Variants in TPM1 observed in about 807,000 individuals in gnomAD.
TPM1 encodes tropomyosin alpha-1 chain.
TPM1 carries 24 observed loss-of-function variants against 42.9 expected under a neutral mutation model. The observed-to-expected ratio is 0.56, with a 90% CI of 0.41 to 0.79. TPM1 has a LOEUF of 0.79. Among genes scored for constraint, TPM1 ranks in the 30% least tolerant of loss-of-function variants. The pLI is 0.00. For synonymous variants in TPM1, 136 were observed against 130.1 expected (o/e 1.05, Z -0.31); for missense variants, 158 against 351.8 (o/e 0.45, Z 4.41).
At chr15:63,054,682 C>G (rs545446979) in intron 2 of TPM1, 1 of 152,140 alleles carries the variant, frequency 6.6e-6, no homozygotes, top group African/African-American at 2.4e-5. Context: ...TGGCATTTCT[C>G]TAATAGGCCA....
At chr15:63,060,354 C>G (rs2035449399) in intron 4 of TPM1, among the ~76,000 whole-genome samples, 1 of 152,218 alleles carries the variant, frequency 6.6e-6, no homozygotes, top group Non-Finnish European at 1.5e-5. Flanking sequence ...CTCCCTTCCT[C>G]TCTCTGGTTC....
chr15:63,063,454 C>A, intron 8 of TPM1: 1 of 837,152 alleles, frequency 1.2e-6, no homozygotes, highest in Non-Finnish European at 1.4e-6. Flanking sequence ...GCGCCCATTG[C>A]TTTTCAAGCC....
Position 63,057,845 on chromosome 15 carries a change from A to G in TPM1, c.374+727A>G, listed in dbSNP as rs75708953. Among the ~76,000 whole-genome samples the G allele has an allele frequency of 3.7e-3, 558 of 152,312 alleles. 6 individuals are homozygous for G. In the East Asian group the frequency reaches 0.04, roughly 11 times the overall value. ...GAAGTAAGGATTTGCCATATTGCAT[A>G]GAAGTACTTCAAGAGAGACTCCATG... On this transcript the variant is annotated intron_variant, in intron 3 of 9. Coordinates refer to ENST00000403994, the MANE Select transcript of TPM1 (RefSeq NM_001018005.2).
chr15:63,058,146 G>C (rs2035079639), intron 3 of TPM1, among the ~76,000 whole-genome samples: 1 of 152,196 alleles, frequency 6.6e-6, no homozygotes, highest in Non-Finnish European at 1.5e-5. Context: ...ACTTCTTTAA[G>C]ATGACTAAGC....
chr15:63,065,493 G>C, intron 9 of TPM1: 1 of 985,412 alleles, frequency 1.0e-6, no homozygotes, highest in Non-Finnish European at 1.2e-6. Flanking sequence ...GGAAACCAGA[G>C]AAAATGTGTC....
chr15:63,063,985 C>T lies in TPM1; in HGVS notation c.773-79C>T, dbSNP rs143717795. 2.8e-4 allele frequency: 449 copies of T among 1,582,974 alleles called. 1 individual carries two copies. The highest frequency in any genetic ancestry group is 2.1e-3 in the African/African-American group (160 of 74,740). On this transcript the variant is annotated intron_variant, in intron 8 of 9. Transcript: ENST00000403994. Reference sequence around the variant, plus strand: ...CTTGCTGCTGTGTTGGGATGGTGCGCGCACCACCCTCACTCACCCTCCATT... The same window carrying T: ...CTTGCTGCTGTGTTGGGATGGTGCGTGCACCACCCTCACTCACCCTCCATT...
intron 2 of TPM1, chr15:63,056,775 G>C (rs115280766): frequency 1.5e-6 from 1 of 654,604 alleles, no homozygotes; most frequent in African/African-American, 1.8e-5. Flanking sequence ...ATAGATTTGT[G>C]TATACACAAA....
rs756805858 is a variant in TPM1, at chr15:63,048,541, A to C, written c.240+4389A>C. On this transcript the variant is annotated intron_variant, in intron 2 of 9. Coordinates refer to ENST00000403994, the MANE Select transcript of TPM1 (RefSeq NM_001018005.2). ...CGCAGGGCAGCAGCCGGCCTCTCCCACTGCAGCCCTCCCGCCCGCCTACCG... is the reference window on the plus strand; with the variant it reads ...CGCAGGGCAGCAGCCGGCCTCTCCCCCTGCAGCCCTCCCGCCCGCCTACCG... 2.7e-5 allele frequency: 41 copies of C among 1,513,284 alleles called. No homozygotes were observed. The South Asian group carries it at 4.6e-4, about 17-fold the overall frequency. 93.7% of individuals were successfully genotyped at this position (1,513,284 alleles called of 1,614,324 possible). A position where few individuals can be genotyped will look rare whatever the true frequency, so the allele number is the denominator to read the frequency against.
At chr15:63,061,420 C>T (rs1301139557) in intron 5 of TPM1, 1 of 817,932 alleles carries the variant, frequency 1.2e-6, no homozygotes, top group South Asian at 1.4e-5. Flanking sequence ...TTCCCTTGGT[C>T]CTTTATGCTC....
At chr15:63,048,516 CGCAGGGCAGCAGCCGGCCTCTCCCACT>C (rs1596319422) in intron 2 of TPM1, 1 of 1,490,044 alleles carries the variant, frequency 6.7e-7, no homozygotes. Flanking sequence ...CAGCCGGGTC[CGCAGGGCAGCAGCCGGCCTCTCCCACT>C]GCAGCCCTCC....
intron 8 of TPM1, 85 bp downstream of exon 8, chr15:63,062,730 A>G (rs1332692258): frequency 6.2e-7 from 1 of 1,607,562 alleles, no homozygotes; most frequent in South Asian, 1.1e-5. Context: ...AAGGGCATCC[A>G]CATTGATACG....
At chr15:63,046,075 TAG>T (rs1263032373) in intron 2 of TPM1, 1 of 152,224 alleles carries the variant, frequency 6.6e-6, no homozygotes, top group Non-Finnish European at 1.5e-5. Context: ...GCAAACACCA[TAG>T]AGTGTATGGT....
At chr15:63,055,288 A>G (rs1302838532) in intron 2 of TPM1, among the ~76,000 whole-genome samples, 1 of 152,192 alleles carries the variant, frequency 6.6e-6, no homozygotes, top group African/African-American at 2.4e-5. Flanking sequence ...CATTTTTGTC[A>G]AGATAAAAGT....
At chr15:63,051,482 A>ACG (rs1160847893) in intron 2 of TPM1, among the ~76,000 whole-genome samples, 4 of 151,594 alleles carry the variant, frequency 2.6e-5, no homozygotes, top group African/African-American at 9.7e-5. Context: ...TTTGGCACAC[A>ACG]CAGGAGGTTG....
downstream of TPM1, among the ~76,000 whole-genome samples, chr15:63,069,210 C>T (rs548694439): frequency 1.4e-4 from 22 of 152,238 alleles, no homozygotes; most frequent in East Asian, 3.9e-3. Context: ...GTGACAAGTG[C>T]TTGTTCTTTT....
At chr15:63,049,733 C>T (rs1301067940) in intron 2 of TPM1, among the ~76,000 whole-genome samples, 1 of 152,178 alleles carries the variant, frequency 6.6e-6, no homozygotes, top group Non-Finnish European at 1.5e-5. Context: ...AAATGGTCCT[C>T]TTCAGAGGAA....
chr15:63,059,379 A>T (rs923738546), intron 3 of TPM1, among the ~76,000 whole-genome samples, 184 bp from the exon 4 acceptor site: 6 of 152,150 alleles, frequency 3.9e-5, no homozygotes, highest in Non-Finnish European at 1.5e-5. Flanking sequence ...ACAGAGAGAA[A>T]TGTGTCTCTT....
chr15:63,064,620 C>T (rs1378872082), intron 9 of TPM1: 16 of 1,026,030 alleles, frequency 1.6e-5, no homozygotes, highest in Non-Finnish European at 1.6e-5. Context: ...TGGCATGATC[C>T]AATACAGCTT....
chr15:63,071,167 A>T (rs1478780012), downstream of TPM1: 1 of 1,613,776 alleles, frequency 6.2e-7, no homozygotes, highest in African/African-American at 1.3e-5. Flanking sequence ...GTTAAACAAC[A>T]TGTGAAAACC....
Sources: gnomAD v4.1 joint callset for allele counts (sites outside exome capture counted in the v4.1 genomes callset) on GRCh38, gnomAD v4.1.1 for gene constraint, MANE v1.5 for transcripts, NCBI Gene and HGNC (gene_info 2026-07-23, HGNC 2026-07-21) for gene names.